Variants in LRP12 observed in about 807,000 individuals in gnomAD.
The protein encoded by LRP12 is low-density lipoprotein receptor-related protein 12.
A neutral mutation model predicts 66.0 loss-of-function variants in LRP12; 14 were observed. The observed-to-expected ratio is 0.21, with a 90% CI of 0.14 to 0.33. The LOEUF (loss-of-function observed/expected upper bound fraction) is 0.33. Ranked by LOEUF, LRP12 falls within the 10% of genes least tolerant of loss-of-function variation. The pLI, the probability that LRP12 is intolerant of heterozygous loss-of-function variation, is 1.00. For missense variants in LRP12, 889 were observed against 1,053.4 expected, an observed-to-expected ratio of 0.84 and a Z score of 2.16; for synonymous variants, 357 against 359.1, an observed-to-expected ratio of 0.99 and a Z score of 0.07.
intron 1 of LRP12, among the ~76,000 whole-genome samples, chr8:104,550,185 A>T (rs1811705300): frequency 6.6e-6 from 1 of 152,154 alleles, no homozygotes. Context: ...AATAGATACT[A>T]TTCCAGTTTT....
intron 2 of LRP12, among the ~76,000 whole-genome samples, chr8:104,519,439 G>A (rs777586473): frequency 1.4e-4 from 21 of 152,060 alleles, no homozygotes; most frequent in Non-Finnish European, 2.7e-4. Context: ...AAAATGCTTG[G>A]GACCAAAAGT....
intron 6 of LRP12, among the ~76,000 whole-genome samples, 200 bp from the exon 7 acceptor site, chr8:104,491,739 C>G (rs1810634883): frequency 6.6e-6 from 1 of 152,146 alleles, no homozygotes; most frequent in East Asian, 1.9e-4. Flanking sequence ...ACTAATCTAA[C>G]TTGAATCATT....
At chr8:104,492,726 T>C (rs1430032062) in intron 6 of LRP12, among the ~76,000 whole-genome samples, 1 of 152,148 alleles carries the variant, frequency 6.6e-6, no homozygotes, top group Non-Finnish European at 1.5e-5. Context: ...CATAGGAACA[T>C]TTCATAGTCT....
intron 1 of LRP12, among the ~76,000 whole-genome samples, chr8:104,551,714 T>G (rs1292012091): frequency 6.6e-6 from 1 of 152,224 alleles, no homozygotes; most frequent in Non-Finnish European, 1.5e-5. Context: ...TGTGTAGTAT[T>G]CCATATACAT....
At chr8:104,566,885 C>T (rs1021748783) in intron 1 of LRP12, among the ~76,000 whole-genome samples, 4 of 151,898 alleles carry the variant, frequency 2.6e-5, no homozygotes, top group Non-Finnish European at 5.9e-5. Flanking sequence ...GCACAAGCGG[C>T]TGGTGATAAA....
At chr8:104,521,111 G>A (rs1564134746) in intron 2 of LRP12, among the ~76,000 whole-genome samples, 1 of 151,696 alleles carries the variant, frequency 6.6e-6, no homozygotes, top group Non-Finnish European at 1.5e-5. Flanking sequence ...AAAATCCTTG[G>A]GACCAGAAGT....
intron 3 of LRP12, chr8:104,506,198 T>A (rs1254539317): frequency 6.6e-6 from 1 of 152,166 alleles, no homozygotes; most frequent in African/African-American, 2.4e-5. Context: ...CCCTTTGTAA[T>A]GCTATGTATT....
At chr8:104,587,513 A>G (rs541357706) in intron 1 of LRP12, among the ~76,000 whole-genome samples, 1 of 152,336 alleles carries the variant, frequency 6.6e-6, no homozygotes, top group African/African-American at 2.4e-5. Context: ...TCTCCTCACC[A>G]AAACAAACAA....
At chr8:104,548,202 G>A (rs369721833) in intron 1 of LRP12, among the ~76,000 whole-genome samples, 759 of 71,590 alleles carry the variant, frequency 0.011, 20 homozygotes, top group African/African-American at 0.024. Context: ...ATAAATATAT[G>A]ATATATTTAT....
intron 2 of LRP12, among the ~76,000 whole-genome samples, chr8:104,527,548 T>C (rs2140859089): frequency 6.6e-6 from 1 of 151,142 alleles, no homozygotes. Flanking sequence ...TGGATGAAAT[T>C]GGAAATCATC....
Position 104,490,650 on chromosome 8 carries a change from A to G in LRP12, c.*23T>C, listed in dbSNP as rs375818829. The G allele has an allele frequency of 1.7e-5, 26 of 1,564,768 alleles. No individual in the cohort carries two copies. The African/African-American group carries it at 2.7e-4, about 16-fold the overall frequency. On this transcript the variant is annotated 3_prime_UTR_variant, in exon 7 of 7. Coordinates refer to ENST00000276654, the MANE Select transcript of LRP12 (RefSeq NM_013437.5). Reference sequence around the variant, plus strand: ...ATGGATATTGCTCCAACTTGTATACAATCTCCCTTATGTGATTCGTACCTA... The same window carrying G: ...ATGGATATTGCTCCAACTTGTATACGATCTCCCTTATGTGATTCGTACCTA...
intron 1 of LRP12, among the ~76,000 whole-genome samples, chr8:104,543,933 A>AAAC (rs958158426): frequency 6.6e-6 from 1 of 152,208 alleles, no homozygotes; most frequent in Non-Finnish European, 1.5e-5. Context: ...AAACAAAACA[A>AAAC]AACAACAACA....
chr8:104,517,798 T>G (rs1811093973), intron 2 of LRP12, among the ~76,000 whole-genome samples: 1 of 152,096 alleles, frequency 6.6e-6, no homozygotes, highest in Non-Finnish European at 1.5e-5. Context: ...AAGAAGGATT[T>G]GATTCCAATG....
At chr8:104,547,595 ATAATAAT>A (rs1811604674) in intron 1 of LRP12, among the ~76,000 whole-genome samples, 1 of 122,040 alleles carries the variant, frequency 8.2e-6, no homozygotes, top group African/African-American at 3.3e-5. Context: ...TATATAATAT[ATAATAAT>A]TATTAATATA....
At chr8:104,536,877 A>C (rs1049430136) in intron 1 of LRP12, among the ~76,000 whole-genome samples, 3 of 152,212 alleles carry the variant, frequency 2.0e-5, no homozygotes, top group Admixed American at 6.6e-5. Flanking sequence ...TAAAATAAGC[A>C]TACAGAAATC....
At chr8:104,583,662 A>G (rs1812288939) in intron 1 of LRP12, among the ~76,000 whole-genome samples, 1 of 152,190 alleles carries the variant, frequency 6.6e-6, no homozygotes, top group South Asian at 2.1e-4. Flanking sequence ...TAAATGAACT[A>G]AGTGAAGAGA....
At chr8:104,543,841 G>A (rs1308586378) in intron 1 of LRP12, among the ~76,000 whole-genome samples, 1 of 152,080 alleles carries the variant, frequency 6.6e-6, no homozygotes, top group African/African-American at 2.4e-5. Flanking sequence ...AGAATCACCT[G>A]AACCTGCGAG....
intron 1 of LRP12, among the ~76,000 whole-genome samples, chr8:104,563,207 T>G (rs542757799): frequency 1.3e-3 from 203 of 152,304 alleles, no homozygotes; most frequent in African/African-American, 4.7e-3. Context: ...TCGAAGCTGA[T>G]GTATGTATAT....
At chr8:104,547,312 C>A (rs2140875239) in intron 1 of LRP12, among the ~76,000 whole-genome samples, 1 of 133,908 alleles carries the variant, frequency 7.5e-6, no homozygotes, top group African/African-American at 2.8e-5. Context: ...ATATAATATA[C>A]AATTCTGTTA....
Sources: allele counts gnomAD v4.1 joint callset (sites outside exome capture counted in the v4.1 genomes callset), GRCh38; gene constraint gnomAD v4.1.1; transcripts MANE v1.5; gene names NCBI Gene and HGNC (gene_info 2026-07-23, HGNC 2026-07-21).